TNPO1: variants seen among roughly 807,000 people sequenced by gnomAD.
TNPO1 encodes the protein transportin 1.
Under a neutral mutation model 119.5 loss-of-function variants are expected in TNPO1, and 8 were observed. The observed-to-expected ratio is 0.07, with a 90% CI of 0.04 to 0.12. The LOEUF is 0.12. Ranked by LOEUF, TNPO1 falls within the 10% of genes least tolerant of loss-of-function variation. TNPO1 has a pLI of 1.00. For synonymous variants in TNPO1, 362 were observed against 363.0 expected, an observed-to-expected ratio of 1.00 and a Z score of 0.03; for missense variants, 576 against 1,089.8, an observed-to-expected ratio of 0.53 and a Z score of 6.64.
intron 20 of TNPO1, among the ~76,000 whole-genome samples, chr5:72,898,605 T>C (rs1245401100): frequency 6.6e-6 from 1 of 152,158 alleles, no homozygotes; most frequent in Non-Finnish European, 1.5e-5. Context: ...CAGCTTTTAA[T>C]TACCATTATC....
intron 9 of TNPO1, among the ~76,000 whole-genome samples, chr5:72,881,552 C>G (rs975750965): frequency 3.3e-5 from 5 of 152,210 alleles, no homozygotes; most frequent in African/African-American, 1.2e-4. Flanking sequence ...CTATAGAAAT[C>G]TGTGGTCTTC....
intron 18 of TNPO1, among the ~76,000 whole-genome samples, chr5:72,895,212 T>C (rs1749340154): frequency 6.6e-6 from 1 of 152,260 alleles, no homozygotes; most frequent in Non-Finnish European, 1.5e-5. Flanking sequence ...TTGTTGTCTT[T>C]AACATGTTCC....
chr5:72,893,156 C>A lies in TNPO1; in HGVS notation c.1806C>A (p.Ala602=), dbSNP rs765108640. The change falls in exon 16 of 25, where the codon GCC becomes GCA. Residue 602 remains alanine, a synonymous_variant. Coordinates refer to ENST00000337273, the MANE Select transcript of TNPO1 (RefSeq NM_002270.4). Reference sequence around the variant, plus strand: ...CTTCCTAGTGCCTATCTTCAGTTGCCACAGCACTGCAGTCTGGATTCCTTC... The same window carrying A: ...CTTCCTAGTGCCTATCTTCAGTTGCAACAGCACTGCAGTCTGGATTCCTTC... ...FPLLECLSSV[A]TALQSGFLPY... is the part of the protein sequence containing the mutation. The A allele has an allele frequency of 1.2e-6, 2 of 1,613,838 alleles. No homozygotes were observed. The highest frequency in any genetic ancestry group is 1.1e-5 in the South Asian group (1 of 91,042).
At chr5:72,896,322 G>T in intron 18 of TNPO1, 136 bp from the exon 19 acceptor site, 1 of 483,612 alleles carries the variant, frequency 2.1e-6, no homozygotes. Context: ...TTTTAAAATT[G>T]ATGTTGCAGT....
chr5:72,861,831 T>G lies in TNPO1; in HGVS notation c.379T>G (p.Ser127Ala), dbSNP rs1254576316. Residue 127 changes from serine (S) to alanine (A), a missense_variant, in exon 5 of 25, where the codon TCC (serine) becomes GCC (alanine). Transcript: ENST00000337273. The stretch of plus-strand genomic sequence containing the variant: ...AGGTATTTTGATCACAACTATAGCC[T>G]CCAAGGGAGAATTGCAGAATTGGCC... ...TVGILITTIA[S>A]KGELQNWPDL... 1 of 1,613,770 alleles carries G rather than the reference T, an allele frequency of 6.2e-7. No homozygotes were observed. Among genetic ancestry groups the G allele is most frequent in the Non-Finnish European group, 8.5e-7 (1 of 1,179,780 alleles).
At position 72,866,319 on chromosome 5, in the gene TNPO1, A is replaced by G. The variant is rs544400501; in HGVS notation, c.596+590A>G. On this transcript the variant is annotated intron_variant, in intron 6 of 24. Transcript: ENST00000337273. ...GTATTTGGTTTTCCATTATTACAACATTATAATAATGTTGTTATTTCTGGC... is the reference window on the plus strand; with the variant it reads ...GTATTTGGTTTTCCATTATTACAACGTTATAATAATGTTGTTATTTCTGGC... Among the ~76,000 whole-genome samples the G allele has an allele frequency of 3.9e-5, 6 of 152,338 alleles. No individual in the cohort carries two copies. The South Asian group carries it at 1.2e-3, about 32-fold the overall frequency.
At chr5:72,898,707 C>T (rs1288139597) in intron 20 of TNPO1, among the ~76,000 whole-genome samples, 1 of 152,116 alleles carries the variant, frequency 6.6e-6, no homozygotes, top group East Asian at 1.9e-4. Context: ...AATGGACCAT[C>T]ATCTGCTTTA....
At chr5:72,881,357 C>T (rs1320378262) in intron 9 of TNPO1, among the ~76,000 whole-genome samples, 1 of 152,190 alleles carries the variant, frequency 6.6e-6, no homozygotes, top group Non-Finnish European at 1.5e-5. Context: ...GATCCGCTCG[C>T]CTCGACCTAA....
chr5:72,883,215 T>G lies in TNPO1; in HGVS notation c.1133T>G (p.Ile378Ser). 6.6e-7 allele frequency: 1 copy of G among 1,516,714 alleles called. No individual in the cohort carries two copies. Among genetic ancestry groups the G allele is most frequent in the Non-Finnish European group, 9.2e-7 (1 of 1,091,486 alleles). 94.0% of individuals were successfully genotyped at this position (1,516,714 alleles called of 1,614,324 possible). A position where few individuals can be genotyped will look rare whatever the true frequency, so the allele number is the denominator to read the frequency against. Residue 378 changes from isoleucine (I) to serine (S), a missense_variant, in exon 11 of 25, where the codon ATT (isoleucine) becomes AGT (serine). Around this residue, in one of 6 missense-constraint regions of TNPO1, gnomAD observed 310 missense variants for 583.0 expected, o/e 0.53. Coordinates refer to ENST00000337273, the MANE Select transcript of TNPO1 (RefSeq NM_002270.4). ...DDDEIDDDDTISDWNLRKCSA... is the reference protein window; with the variant it reads ...DDDEIDDDDTSSDWNLRKCSA... ...GATGAAATTGATGATGATGATACAA[T>G]TTCTGACTGGAATCTAAGTAAGTCA...
intron 1 of TNPO1, among the ~76,000 whole-genome samples, chr5:72,840,164 T>C (rs892603998): frequency 2.6e-5 from 4 of 152,070 alleles, no homozygotes; most frequent in African/African-American, 9.7e-5. Context: ...TCTCTAAGGG[T>C]TAGTCACATG....
At chr5:72,848,901 G>T (rs1191571899) in intron 2 of TNPO1, among the ~76,000 whole-genome samples, 3 of 151,730 alleles carry the variant, frequency 2.0e-5, no homozygotes, top group African/African-American at 7.2e-5. Context: ...CCCCGTGGGT[G>T]GGGGTGGCAG....
chr5:72,874,833 T>G lies in TNPO1; in HGVS notation c.679-782T>G, dbSNP rs552197114. On this transcript the variant is annotated intron_variant, in intron 7 of 24. Coordinates refer to ENST00000337273, the MANE Select transcript of TNPO1 (RefSeq NM_002270.4). ...TGTTTTACTGCTTTTAATACATGTATGTGTAAATAAAGTAAGACTTTATGT... is the reference window on the plus strand; with the variant it reads ...TGTTTTACTGCTTTTAATACATGTAGGTGTAAATAAAGTAAGACTTTATGT... 1.1e-3 allele frequency among the ~76,000 whole-genome samples: 164 copies of G among 152,336 alleles called. 1 individual carries two copies. Among genetic ancestry groups the G allele is most frequent in the African/African-American group, 3.9e-3 (162 of 41,584 alleles).
chr5:72,853,818 A>G (rs1580397370), intron 3 of TNPO1, among the ~76,000 whole-genome samples: 1 of 152,342 alleles, frequency 6.6e-6, no homozygotes, highest in East Asian at 1.9e-4. Context: ...TGAATTGTAG[A>G]GTAAAATTTT....
At chr5:72,824,704 G>A (rs1212066804) in intron 1 of TNPO1, among the ~76,000 whole-genome samples, 1 of 151,976 alleles carries the variant, frequency 6.6e-6, no homozygotes, top group Non-Finnish European at 1.5e-5. Context: ...TTGTTTATTT[G>A]TTTCTATCTA....
chr5:72,905,387 C>T lies in TNPO1; in HGVS notation c.2674C>T (p.Leu892Phe). The T allele has an allele frequency of 6.2e-7, 1 of 1,611,702 alleles. No individual in the cohort carries two copies. The highest frequency in any genetic ancestry group is 8.5e-7 in the Non-Finnish European group (1 of 1,179,400). The change falls in exon 24 of 25, where the codon CTT becomes TTT. Residue 892 changes from leucine to phenylalanine, a missense_variant. By Grantham distance (22) the Leu-to-Phe change is conservative (BLOSUM62 0). Transcript: ENST00000337273. Reference protein sequence around the residue: ...DQFPLPLKERLAAFYGV With the variant: ...DQFPLPLKERFAAFYGV The stretch of plus-strand genomic sequence containing the variant: ...GTTTCCTCTTCCCTTAAAAGAGCGT[C>T]TTGCAGCTTTTTATGGTGTTTAATC...
intron 9 of TNPO1, chr5:72,878,651 C>G (rs912929655): frequency 1.1e-5 from 2 of 190,448 alleles, no homozygotes; most frequent in Non-Finnish European, 2.2e-5. Flanking sequence ...ACCTTGCCCT[C>G]GAAATACACT....
In TNPO1 at chr5:72,872,738, C is replaced by A; in HGVS notation, c.678+18C>A. 6.4e-7 allele frequency: 1 copy of A among 1,556,628 alleles called. No individual in the cohort carries two copies. Among genetic ancestry groups the A allele is most frequent in the Non-Finnish European group, 8.7e-7 (1 of 1,149,268 alleles). On this transcript the variant is annotated intron_variant, in intron 7 of 24. Coordinates refer to ENST00000337273, the MANE Select transcript of TNPO1 (RefSeq NM_002270.4). ...TTATTGAGGTAAGACTTGTTCTTGT[C>A]TCCCTCCCAACCCCCCAGCTTTTTT...
At chr5:72,862,521 G>C (rs1746533040) in intron 5 of TNPO1, 1 of 152,218 alleles carries the variant, frequency 6.6e-6, no homozygotes, top group African/African-American at 2.4e-5. Context: ...TAGAGATGGG[G>C]TCGCGCTGTT....
At chr5:72,889,300 C>T (rs759733060) in intron 13 of TNPO1, among the ~76,000 whole-genome samples, 6 of 152,118 alleles carry the variant, frequency 3.9e-5, no homozygotes, top group Non-Finnish European at 7.4e-5. Flanking sequence ...TCAAGTGATC[C>T]ACCCATCTTG....
Sources: allele counts gnomAD v4.1 joint callset (sites outside exome capture counted in the v4.1 genomes callset), GRCh38; gene constraint gnomAD v4.1.1; regional missense constraint gnomAD v4.1.1; transcripts MANE v1.5; gene names NCBI Gene and HGNC (gene_info 2026-07-23, HGNC 2026-07-21).